The following VRTN variants were observed in gnomAD, a reference collection of about 807,000 sequenced individuals.
VRTN encodes the protein vertebrae development associated, also known as vertnin.
VRTN carries 5 observed loss-of-function variants against 18.2 expected under a neutral mutation model. That is an observed-to-expected ratio of 0.27 (90% CI 0.14 to 0.58). The LOEUF (loss-of-function observed/expected upper bound fraction) is 0.58. Ranked by LOEUF, VRTN falls within the 20% of genes least tolerant of loss-of-function variation. VRTN has a pLI of 0.91. For missense variants in VRTN, 741 were observed against 939.4 expected (o/e 0.79, Z 2.76); for synonymous variants, 381 against 393.7 (o/e 0.97, Z 0.38).
chr14:74,303,089 T>C, exon 1 of VRTN: 1 of 568,562 alleles, frequency 1.8e-6, no homozygotes, highest in South Asian at 4.4e-5. Flanking sequence ...GAGAGTGGAC[T>C]CGGCTGACCC....
intron 1 of VRTN, among the ~76,000 whole-genome samples, chr14:74,349,496 C>T (rs927823476): frequency 6.6e-6 from 1 of 152,180 alleles, no homozygotes; most frequent in Admixed American, 6.5e-5. Context: ...CTATAGAGAA[C>T]ACAGCGCCTG....
At chr14:74,320,430 A>T (rs1354375218) in intron 1 of VRTN, among the ~76,000 whole-genome samples, 3 of 147,298 alleles carry the variant, frequency 2.0e-5, no homozygotes, top group Non-Finnish European at 3.0e-5. Flanking sequence ...CGCCGGCTAA[A>T]TTTTTGTATT....
intron 1 of VRTN, among the ~76,000 whole-genome samples, chr14:74,310,001 G>GTAATA (rs1482896752): frequency 6.6e-6 from 1 of 152,184 alleles, no homozygotes; most frequent in Non-Finnish European, 1.5e-5. Context: ...AGCATAGAAG[G>GTAATA]TAATAGCAAA....
chr14:74,350,119 AG>A (rs1342327321), intron 1 of VRTN, among the ~76,000 whole-genome samples: 1 of 152,164 alleles, frequency 6.6e-6, no homozygotes, highest in East Asian at 1.9e-4. Flanking sequence ...ATTGCCAAAA[AG>A]ACTGTTGCAC....
At chr14:74,351,816 T>A (rs1433496938) in intron 1 of VRTN, among the ~76,000 whole-genome samples, 1 of 151,988 alleles carries the variant, frequency 6.6e-6, no homozygotes, top group African/African-American at 2.4e-5. Context: ...CCTTCTTTGG[T>A]TATCAAGTAA....
chr14:74,321,797 C>T (rs2085457550), intron 1 of VRTN, among the ~76,000 whole-genome samples: 1 of 151,456 alleles, frequency 6.6e-6, no homozygotes, highest in Admixed American at 6.6e-5. Context: ...AGCCACCGTG[C>T]CCAGCTTTTC....
chr14:74,353,680 CAAAT>C (rs1567045857), intron 1 of VRTN, among the ~76,000 whole-genome samples: 1 of 151,460 alleles, frequency 6.6e-6, no homozygotes, highest in East Asian at 1.9e-4. Context: ...TATACAGTAA[CAAAT>C]AATCATTTTT....
chr14:74,357,948 T>G lies in VRTN; in HGVS notation c.1165T>G (p.Cys389Gly), dbSNP rs1167451395. ...EEQVAEEELE[C>G]SALAVSSPGM... is the part of the protein sequence containing the mutation. ...GCAGGTGGCTGAGGAGGAGCTGGAGTGCTCCGCACTGGCGGTGTCAAGCCC... is the reference window on the plus strand; with the variant it reads ...GCAGGTGGCTGAGGAGGAGCTGGAGGGCTCCGCACTGGCGGTGTCAAGCCC... The change falls in exon 2 of 2, where the codon TGC (cysteine) becomes GGC (glycine). Residue 389 changes from cysteine (C) to glycine (G), a missense_variant. By Grantham distance (159) the Cys-to-Gly change is radical. Around this residue, in one of 3 missense-constraint regions of VRTN, gnomAD observed 494 missense variants for 546.5 expected, o/e 0.90. Coordinates refer to ENST00000256362, the MANE Select transcript of VRTN (RefSeq NM_018228.3). The surrounding 1 kb of genome is among the most constrained non-coding windows in gnomAD (Gnocchi z 7.8). 1 of 1,613,646 alleles carries G rather than the reference T, an allele frequency of 6.2e-7. No individual in the cohort carries two copies. The highest frequency in any genetic ancestry group is 8.5e-7 in the Non-Finnish European group (1 of 1,179,916).
intron 1 of VRTN, among the ~76,000 whole-genome samples, chr14:74,333,804 C>A (rs1475795583): frequency 6.6e-6 from 1 of 150,690 alleles, no homozygotes; most frequent in Non-Finnish European, 1.5e-5. Flanking sequence ...CGCGCCATTG[C>A]ACTCCAGCCT....
At chr14:74,320,668 C>T (rs2140196510) in intron 1 of VRTN, among the ~76,000 whole-genome samples, 1 of 136,782 alleles carries the variant, frequency 7.3e-6, no homozygotes, top group South Asian at 2.4e-4. Flanking sequence ...CTCACTGCAA[C>T]CTCTACCTCC....
At chr14:74,346,712 G>A (rs1306146534), upstream of VRTN, among the ~76,000 whole-genome samples, 1 of 152,140 alleles carries the variant, frequency 6.6e-6, no homozygotes, top group Non-Finnish European at 1.5e-5. Flanking sequence ...GGGATTATAG[G>A]TAATTTTTCT....
At chr14:74,351,535 C>G (rs1158847961) in intron 1 of VRTN, among the ~76,000 whole-genome samples, 1 of 126,020 alleles carries the variant, frequency 7.9e-6, no homozygotes, top group Non-Finnish European at 1.6e-5. Flanking sequence ...CAGTCTCACT[C>G]TGACACCCGG....
At position 74,358,254 on chromosome 14, in the gene VRTN, C is replaced by G; in HGVS notation, c.1471C>G (p.Pro491Ala). ...GGCAGGGAATGCCACAGGTGAGGAC[C>G]CTCCCGCCCCCGGGGAGCTCCTGCC... ...EGAGNATGED[P>A]PAPGELLPLR... Residue 491 changes from proline to alanine, a missense_variant, in exon 2 of 2, where the codon CCT (proline) becomes GCT (alanine). Physicochemically the swap from Pro to Ala is conservative, Grantham distance 27 (BLOSUM62 -1). Transcript: ENST00000256362. The surrounding 1 kb of genome is among the most constrained non-coding windows in gnomAD (Gnocchi z 5.4). 2 of 1,611,228 alleles carry G rather than the reference C, an allele frequency of 1.2e-6. No homozygotes were observed. Among genetic ancestry groups the G allele is most frequent in the Non-Finnish European group, 8.5e-7 (1 of 1,178,488 alleles).
chr14:74,328,189 C>T lies in VRTN; in HGVS notation c.-163-9534C>T, dbSNP rs560362629. Among the ~76,000 whole-genome samples the T allele has an allele frequency of 7.2e-5, 11 of 152,248 alleles. No individual in the cohort carries two copies. The South Asian group carries it at 2.3e-3, about 32-fold the overall frequency. On this transcript the variant is annotated intron_variant, in intron 1 of 2. Coordinates refer to the VRTN transcript ENST00000557177. ...AGCCAATATATCAAAAGGTACCCTGCAGGGTGAGGACGGAAGACCCTGTGC... is the reference window on the plus strand; with the variant it reads ...AGCCAATATATCAAAAGGTACCCTGTAGGGTGAGGACGGAAGACCCTGTGC...
At chr14:74,333,452 T>C (rs1002811947) in intron 1 of VRTN, among the ~76,000 whole-genome samples, 1 of 151,766 alleles carries the variant, frequency 6.6e-6, no homozygotes, top group Non-Finnish European at 1.5e-5. Context: ...ATGATGCCAT[T>C]GTACTCCAGC....
chr14:74,349,660 C>G (rs949587020), intron 1 of VRTN, among the ~76,000 whole-genome samples: 1 of 152,178 alleles, frequency 6.6e-6, no homozygotes, highest in African/African-American at 2.4e-5. Context: ...CTTGGCCCAC[C>G]CAGATTCCTG....
intron 1 of VRTN, among the ~76,000 whole-genome samples, chr14:74,354,460 A>G (rs934586848): frequency 1.3e-5 from 2 of 150,990 alleles, no homozygotes; most frequent in African/African-American, 4.9e-5. Context: ...GGTGGAGTGC[A>G]GTGATGCAAT....
At chr14:74,329,582 ATTT>A (rs879853327) in intron 1 of VRTN, among the ~76,000 whole-genome samples, 1 of 140,264 alleles carries the variant, frequency 7.1e-6, no homozygotes. Context: ...CTGTGGAGGC[ATTT>A]TTTTTTTTTT....
chr14:74,306,849 T>G (rs1400569240), intron 1 of VRTN, among the ~76,000 whole-genome samples: 2 of 151,848 alleles, frequency 1.3e-5, no homozygotes. Context: ...CAAGCGATGC[T>G]TCTGCCTCAG....
Sources: allele counts gnomAD v4.1 joint callset (sites outside exome capture counted in the v4.1 genomes callset), GRCh38; gene constraint gnomAD v4.1.1; regional missense constraint gnomAD v4.1.1; non-coding constraint Gnocchi (gnomAD v3.1); transcripts MANE v1.5; gene names NCBI Gene and HGNC (gene_info 2026-07-23, HGNC 2026-07-21).